The following AKAP6 variants were observed in gnomAD, a reference collection of about 807,000 sequenced individuals.
The protein encoded by AKAP6 is A-kinase anchor protein 6.
Under a neutral mutation model 188.5 loss-of-function variants are expected in AKAP6, and 58 were observed. The observed-to-expected ratio is 0.31, with a 90% CI of 0.25 to 0.38. The LOEUF is 0.38. Among genes scored for constraint, AKAP6 ranks in the 10% least tolerant of loss-of-function variants. The probability of loss-of-function intolerance (pLI) is 1.00; values close to 1 mark genes in which losing one functional copy is unlikely to be tolerated. For missense variants in AKAP6, 2,710 were observed against 2,740.0 expected (o/e 0.99, Z 0.24); for synonymous variants, 989 against 998.6 (o/e 0.99, Z 0.18).
intron 5 of AKAP6, among the ~76,000 whole-genome samples, chr14:32,578,779 A>G (rs1293554542): frequency 1.3e-5 from 2 of 151,556 alleles, no homozygotes; most frequent in Non-Finnish European, 3.0e-5. Flanking sequence ...ACTCTGGACT[A>G]TTTATTGAAA....
intron 12 of AKAP6, among the ~76,000 whole-genome samples, chr14:32,777,841 C>T (rs904812393): frequency 1.3e-5 from 2 of 152,014 alleles, no homozygotes. Flanking sequence ...AGTTCAAGAC[C>T]AACCTGGGCA....
chr14:32,811,265 A>G (rs2034226064), intron 12 of AKAP6, among the ~76,000 whole-genome samples: 1 of 143,184 alleles, frequency 7.0e-6, no homozygotes, highest in Admixed American at 7.0e-5. Context: ...AAGTTGAAAA[A>G]CAGACTAAGA....
At chr14:32,703,556 A>G (rs978011605) in intron 9 of AKAP6, among the ~76,000 whole-genome samples, 1 of 152,218 alleles carries the variant, frequency 6.6e-6, no homozygotes, top group Non-Finnish European at 1.5e-5. Context: ...AATCTAACAC[A>G]TAACAGTTAT....
chr14:32,466,345 G>A (rs112076326), intron 2 of AKAP6, among the ~76,000 whole-genome samples: 80 of 152,298 alleles, frequency 5.3e-4, no homozygotes, highest in African/African-American at 1.7e-3. Context: ...ATCAGTGATA[G>A]GCTGGATAAA....
intron 7 of AKAP6, among the ~76,000 whole-genome samples, chr14:32,633,249 A>G (rs1258631149): frequency 6.6e-6 from 1 of 152,138 alleles, no homozygotes; most frequent in East Asian, 1.9e-4. Context: ...AAATATGGAA[A>G]TAGAACAGTA....
chr14:32,352,017 G>A (rs1292607449), intron 1 of AKAP6, among the ~76,000 whole-genome samples: 1 of 151,840 alleles, frequency 6.6e-6, no homozygotes, highest in Admixed American at 6.6e-5. Context: ...TGATGTAGAA[G>A]CTATAGAGAG....
At chr14:32,649,662 T>A (rs1366508437) in intron 7 of AKAP6, among the ~76,000 whole-genome samples, 1 of 152,174 alleles carries the variant, frequency 6.6e-6, no homozygotes, top group Non-Finnish European at 1.5e-5. Context: ...AAAATATAAG[T>A]TTTAGTCTGT....
intron 1 of AKAP6, among the ~76,000 whole-genome samples, chr14:32,385,577 G>T (rs998818697): frequency 6.6e-6 from 1 of 150,488 alleles, no homozygotes; most frequent in Non-Finnish European, 1.5e-5. Context: ...CCTTTCCCCC[G>T]AGTCCCCAAA....
intron 2 of AKAP6, among the ~76,000 whole-genome samples, chr14:32,513,854 TA>T (rs1430675439): frequency 3.9e-5 from 6 of 152,234 alleles, no homozygotes; most frequent in African/African-American, 1.2e-4. Flanking sequence ...AACTCTTTTA[TA>T]ACTTACTTCT....
intron 1 of AKAP6, among the ~76,000 whole-genome samples, chr14:32,412,739 C>G (rs1889528710): frequency 6.6e-6 from 1 of 152,124 alleles, no homozygotes; most frequent in Non-Finnish European, 1.5e-5. Context: ...GAAATGATTC[C>G]CCTAAAACAA....
chr14:32,600,663 A>T lies in AKAP6; in HGVS notation c.2601A>T (p.Gln867His). 1 of 1,613,326 alleles carries T rather than the reference A, an allele frequency of 6.2e-7. No homozygotes were observed. Reference protein sequence around the residue: ...LKDMLRMIASQWKELQRQIKR... With the variant: ...LKDMLRMIASHWKELQRQIKR... ...ACATGCTGCGGATGATTGCAAGTCA[A>T]TGGAAGGAGCTGCAGAGGCAAATCA... Residue 867 changes from glutamine to histidine, a missense_variant, in exon 7 of 14, where the codon CAA becomes CAT. Physicochemically the swap from Gln to His is conservative, Grantham distance 24 (BLOSUM62 0). Coordinates refer to ENST00000280979, the MANE Select transcript of AKAP6 (RefSeq NM_004274.5).
intron 4 of AKAP6, among the ~76,000 whole-genome samples, chr14:32,556,230 T>A (rs1883680986): frequency 6.6e-6 from 1 of 152,216 alleles, no homozygotes; most frequent in Admixed American, 6.5e-5. Context: ...TCTTTCCATA[T>A]ACTTGTTGGC....
intron 9 of AKAP6, among the ~76,000 whole-genome samples, chr14:32,727,889 ATCT>A (rs1392391603): frequency 6.6e-6 from 1 of 152,208 alleles, no homozygotes; most frequent in African/African-American, 2.4e-5. Context: ...AGTTTTGAAC[ATCT>A]TCTTGAAGTG....
In AKAP6 at chr14:32,807,317, C is replaced by T. The variant is rs543073466; in HGVS notation, c.3589-14085C>T. Among the ~76,000 whole-genome samples the T allele has an allele frequency of 2.2e-3, 316 of 146,098 alleles. 1 individual carries two copies. Among genetic ancestry groups the T allele is most frequent in the African/African-American group, 7.7e-3 (297 of 38,578 alleles). ...CTCCATCCTGGATGACAGAGCAAGA[C>T]CATGTCTCAAAAAAAAAAAAAAAAG... On this transcript the variant is annotated intron_variant, in intron 12 of 13. Transcript: ENST00000280979.
At chr14:32,724,479 T>C (rs1023630500) in intron 9 of AKAP6, among the ~76,000 whole-genome samples, 2 of 152,230 alleles carry the variant, frequency 1.3e-5, no homozygotes, top group East Asian at 3.9e-4. Flanking sequence ...ATTTTGGGTG[T>C]ATGTTCTTAG....
chr14:32,702,840 A>G (rs928716083), intron 9 of AKAP6, among the ~76,000 whole-genome samples: 2 of 152,116 alleles, frequency 1.3e-5, no homozygotes, highest in Non-Finnish European at 2.9e-5. Context: ...CTGACAGGAA[A>G]TCACTGTCTT....
At chr14:32,741,997 G>T (rs916035609) in intron 11 of AKAP6, among the ~76,000 whole-genome samples, 1 of 151,526 alleles carries the variant, frequency 6.6e-6, no homozygotes, top group East Asian at 1.9e-4. Flanking sequence ...TGAAGCCATC[G>T]GGTCCCTGGC....
Position 32,832,515 on chromosome 14 carries a change from T to C in AKAP6, c.*2710T>C, listed in dbSNP as rs184128927. The C allele has an allele frequency of 7.2e-5, 11 of 152,316 alleles. No homozygotes were observed. The highest frequency in any genetic ancestry group is 1.9e-4 in the African/African-American group (8 of 41,578). The allele number at this position is 152,316 out of a possible 1,614,324, so 9.4% of individuals were successfully genotyped here. The stretch of plus-strand genomic sequence containing the variant: ...ATTTGTAGAATGACTTTCAGGTTTG[T>C]TGAACAATGCCTTTTCAGGTTGGAA... On this transcript the variant is annotated 3_prime_UTR_variant, in exon 14 of 14. Transcript: ENST00000280979.
At chr14:32,435,873 A>C (rs190946113) in intron 2 of AKAP6, among the ~76,000 whole-genome samples, 1 of 152,316 alleles carries the variant, frequency 6.6e-6, no homozygotes, top group Admixed American at 6.5e-5. Context: ...TATATCGCTT[A>C]ATCTACTTAG....
Sources: allele counts gnomAD v4.1 joint callset (sites outside exome capture counted in the v4.1 genomes callset), GRCh38; gene constraint gnomAD v4.1.1; transcripts MANE v1.5; gene names NCBI Gene and HGNC (gene_info 2026-07-23, HGNC 2026-07-21).